ZNF365: variants seen among roughly 807,000 people sequenced by gnomAD.
ZNF365 encodes zinc finger protein 365.
Under a neutral mutation model 35.0 loss-of-function variants are expected in ZNF365, and 22 were observed. The ratio of observed to expected loss-of-function variants is 0.63; its 90% CI spans 0.45 to 0.90. The LOEUF is 0.90. Ranked by LOEUF, ZNF365 falls within the 40% of genes least tolerant of loss-of-function variation. The pLI is 0.00. For missense variants in ZNF365, 448 were observed against 500.3 expected (o/e 0.90, Z 1.00); for synonymous variants, 188 against 196.2 (o/e 0.96, Z 0.35).
chr10:62,424,310 T>C (rs1480801525), intron 3 of ZNF365, among the ~76,000 whole-genome samples: 12 of 152,132 alleles, frequency 7.9e-5, no homozygotes, highest in Admixed American at 7.9e-4. Context: ...AAGTACACCT[T>C]TTTGCAGGCA....
chr10:62,454,078 T>C (rs563091681), intron 3 of ZNF365, among the ~76,000 whole-genome samples: 16 of 152,322 alleles, frequency 1.1e-4, no homozygotes, highest in African/African-American at 3.8e-4. Context: ...ACGTATACCT[T>C]GCTGTTCATG....
intron 3 of ZNF365, among the ~76,000 whole-genome samples, chr10:62,446,772 C>T (rs550848789): frequency 1.2e-4 from 18 of 152,176 alleles, no homozygotes; most frequent in South Asian, 1.0e-3. Context: ...CTGGGTGAAA[C>T]GGCTGGCTGG....
chr10:62,449,175 A>G (rs1037538612), intron 3 of ZNF365, among the ~76,000 whole-genome samples: 9 of 152,218 alleles, frequency 5.9e-5, no homozygotes, highest in African/African-American at 2.2e-4. Context: ...GTTCTTGCTT[A>G]TGATACTATT....
At chr10:62,452,091 A>G (rs1187712692) in intron 3 of ZNF365, among the ~76,000 whole-genome samples, 1 of 152,214 alleles carries the variant, frequency 6.6e-6, no homozygotes, top group African/African-American at 2.4e-5. Context: ...TAGGAGTTTA[A>G]CTTAGATCTT....
intron 3 of ZNF365, among the ~76,000 whole-genome samples, chr10:62,438,634 A>G (rs1347366956): frequency 6.6e-6 from 1 of 152,222 alleles, no homozygotes; most frequent in Admixed American, 6.5e-5. Context: ...GAAGAGATAT[A>G]ACATTAGATC....
At chr10:62,442,771 T>C (rs1840522680) in intron 3 of ZNF365, among the ~76,000 whole-genome samples, 1 of 152,128 alleles carries the variant, frequency 6.6e-6, no homozygotes, top group South Asian at 2.1e-4. Flanking sequence ...AGTCCTCACA[T>C]TGGCTTTTTA....
intron 4 of ZNF365, among the ~76,000 whole-genome samples, chr10:62,461,207 A>G (rs1478530600): frequency 2.0e-5 from 3 of 152,184 alleles, no homozygotes; most frequent in Non-Finnish European, 2.9e-5. Flanking sequence ...CCACTGTGGG[A>G]GATGGGATTC....
chr10:62,438,440 G>A (rs1564589601), intron 3 of ZNF365, among the ~76,000 whole-genome samples: 1 of 151,886 alleles, frequency 6.6e-6, no homozygotes, highest in African/African-American at 2.4e-5. Flanking sequence ...CACCCGCGTT[G>A]GCCTCCCAAA....
At chr10:62,478,854 G>A (rs1841175496) in intron 4 of ZNF365, among the ~76,000 whole-genome samples, 2 of 152,178 alleles carry the variant, frequency 1.3e-5, no homozygotes, top group South Asian at 4.1e-4. Flanking sequence ...GCTTACAAGG[G>A]TGAGCCACCA....
chr10:62,376,151 C>G (rs375076452), intron 1 of ZNF365, 30 bp from the exon 2 acceptor site: 3 of 1,603,618 alleles, frequency 1.9e-6, no homozygotes, highest in African/African-American at 2.7e-5. Flanking sequence ...TTTCAGCCGA[C>G]TTGTAAACTA....
At chr10:62,461,531 G>T (rs10822009) in intron 4 of ZNF365, among the ~76,000 whole-genome samples, 62,618 of 151,754 alleles carry the variant, frequency 0.41, 15,656 homozygotes, top group Middle Eastern at 0.57. Flanking sequence ...GTTCCGCACG[G>T]AGCTTTTCCC....
chr10:62,398,655 T>G, intron 3 of ZNF365, 85 bp from the exon 4 acceptor site: 1 of 1,345,524 alleles, frequency 7.4e-7, no homozygotes, highest in Non-Finnish European at 1.0e-6. Flanking sequence ...GGGAATGCAG[T>G]TTTTAGAAAG....
chr10:62,390,545 C>A (rs548593409), intron 3 of ZNF365, among the ~76,000 whole-genome samples: 2 of 152,268 alleles, frequency 1.3e-5, no homozygotes, highest in African/African-American at 4.8e-5. Context: ...TCTCATCATG[C>A]CAAATAATGT....
At chr10:62,402,531 C>T (rs1215498026), downstream of ZNF365, 2 of 861,086 alleles carry the variant, frequency 2.3e-6, no homozygotes, top group Non-Finnish European at 2.8e-6. Flanking sequence ...CAAAATGGTC[C>T]TTCCTGAATA....
intron 3 of ZNF365, among the ~76,000 whole-genome samples, chr10:62,417,736 G>A (rs1390027565): frequency 6.6e-6 from 1 of 151,838 alleles, no homozygotes; most frequent in East Asian, 1.9e-4. Flanking sequence ...CACCTAGAGA[G>A]TAGCATGGAA....
At chr10:62,458,786 C>A (rs1204969716) in intron 3 of ZNF365, among the ~76,000 whole-genome samples, 1 of 152,134 alleles carries the variant, frequency 6.6e-6, no homozygotes, top group African/African-American at 2.4e-5. Flanking sequence ...ACACAGAAAT[C>A]TGTTTAAGTT....
chr10:62,471,332 T>G (rs575378979), intron 4 of ZNF365, among the ~76,000 whole-genome samples: 1 of 149,294 alleles, frequency 6.7e-6, no homozygotes, highest in Admixed American at 6.7e-5. Context: ...TGCCACTGCA[T>G]TCCAGCCTGG....
intron 3 of ZNF365, among the ~76,000 whole-genome samples, chr10:62,458,502 A>G (rs2132478982): frequency 6.6e-6 from 1 of 152,164 alleles, no homozygotes; most frequent in South Asian, 2.1e-4. Flanking sequence ...ACACACATAT[A>G]TATATAATAT....
intron 3 of ZNF365, among the ~76,000 whole-genome samples, chr10:62,409,391 A>C (rs983904498): frequency 6.6e-6 from 1 of 152,098 alleles, no homozygotes; most frequent in African/African-American, 2.4e-5. Context: ...GTGATGTAAG[A>C]ATGCCATTTT....
Sources: gnomAD v4.1 joint callset for allele counts (sites outside exome capture counted in the v4.1 genomes callset) on GRCh38, gnomAD v4.1.1 for gene constraint, MANE v1.5 for transcripts, NCBI Gene and HGNC (gene_info 2026-07-23, HGNC 2026-07-21) for gene names.